The following PRKN variants were observed in gnomAD, a reference collection of about 807,000 sequenced individuals.
PRKN encodes the protein E3 ubiquitin-protein ligase parkin.
In PRKN, 56 loss-of-function variants were observed where a neutral mutation model predicts 59.5. That is an observed-to-expected ratio of 0.94 (90% CI 0.76 to 1.18). The LOEUF (loss-of-function observed/expected upper bound fraction) is 1.18. Ranked by LOEUF, PRKN falls within the 50% of genes most tolerant of loss-of-function variation. The probability of loss-of-function intolerance (pLI) is 0.00; values close to 1 mark genes in which losing one functional copy is unlikely to be tolerated. For missense variants in PRKN, 657 were observed against 596.4 expected (o/e 1.10, Z -1.06); for synonymous variants, 250 against 222.1 (o/e 1.13, Z -1.12).
intron 6 of PRKN, among the ~76,000 whole-genome samples, chr6:161,914,194 G>A (rs757544059): frequency 1.3e-5 from 2 of 152,088 alleles, no homozygotes; most frequent in African/African-American, 2.4e-5. Context: ...GCTATACAAC[G>A]TAACACTGTA....
intron 6 of PRKN, among the ~76,000 whole-genome samples, chr6:161,909,980 G>C (rs902187162): frequency 2.0e-5 from 3 of 152,150 alleles, no homozygotes; most frequent in Non-Finnish European, 2.9e-5. Flanking sequence ...TGATTCATGG[G>C]AGGAGATAAA....
intron 1 of PRKN, among the ~76,000 whole-genome samples, chr6:162,550,260 C>T (rs1779285429): frequency 6.6e-6 from 1 of 152,114 alleles, no homozygotes; most frequent in Admixed American, 6.6e-5. Context: ...GGTAGGATTT[C>T]CTAGAAGCAG....
intron 9 of PRKN, among the ~76,000 whole-genome samples, chr6:161,389,159 C>T (rs1489818314): frequency 6.6e-6 from 1 of 152,136 alleles, no homozygotes; most frequent in Non-Finnish European, 1.5e-5. Context: ...ACCATAATTC[C>T]TCCTTGCCTC....
chr6:162,320,711 C>T (rs574185087), intron 2 of PRKN, among the ~76,000 whole-genome samples: 2 of 151,652 alleles, frequency 1.3e-5, no homozygotes, highest in African/African-American at 4.8e-5. Flanking sequence ...TATGGTCTAG[C>T]CATTCCACTC....
chr6:162,449,876 A>G (rs1020928442), intron 1 of PRKN, among the ~76,000 whole-genome samples: 1 of 152,208 alleles, frequency 6.6e-6, no homozygotes. Flanking sequence ...AGTGAACAAA[A>G]AAAATGAAGA....
At chr6:162,454,647 G>C (rs1224477885) in intron 1 of PRKN, among the ~76,000 whole-genome samples, 2 of 152,200 alleles carry the variant, frequency 1.3e-5, no homozygotes, top group East Asian at 1.9e-4. Flanking sequence ...CGTGCCAATG[G>C]AAAGTTCTCC....
intron 9 of PRKN, among the ~76,000 whole-genome samples, chr6:161,421,302 T>C (rs1304801349): frequency 6.6e-6 from 1 of 152,146 alleles, no homozygotes; most frequent in Non-Finnish European, 1.5e-5. Context: ...TGACTTTGAA[T>C]GGCAAAAATC....
chr6:161,564,573 G>C (rs1198563891), intron 8 of PRKN, among the ~76,000 whole-genome samples: 8 of 152,124 alleles, frequency 5.3e-5, no homozygotes, highest in Admixed American at 4.6e-4. Context: ...AAATGTTTTT[G>C]TGTCTGCAAT....
intron 3 of PRKN, among the ~76,000 whole-genome samples, chr6:162,236,033 C>T (rs1778695773): frequency 7.2e-6 from 1 of 137,980 alleles, no homozygotes; most frequent in African/African-American, 2.8e-5. Flanking sequence ...AACTCCTCAC[C>T]CTTCAGTGTG....
intron 4 of PRKN, among the ~76,000 whole-genome samples, chr6:162,133,316 G>A (rs1350652814): frequency 6.6e-6 from 1 of 152,162 alleles, no homozygotes; most frequent in Non-Finnish European, 1.5e-5. Context: ...CGTCAGCAAC[G>A]CTGCTGATGG....
chr6:162,063,745 A>G (rs1778204681), intron 4 of PRKN, among the ~76,000 whole-genome samples: 1 of 152,136 alleles, frequency 6.6e-6, no homozygotes, highest in African/African-American at 2.4e-5. Context: ...GAGTCTCACC[A>G]TGTTGGCCAG....
Position 161,348,140 on chromosome 6 carries a change from A to G in PRKN, c.*1959T>C. 5.1e-6 allele frequency: 1 copy of G among 196,458 alleles called. No homozygotes were observed. The highest frequency in any genetic ancestry group is 1.1e-5 in the Non-Finnish European group (1 of 94,726). The allele number at this position is 196,458 out of a possible 1,614,324, so 12.2% of individuals were successfully genotyped here. On this transcript the variant is annotated 3_prime_UTR_variant, in exon 12 of 12. Transcript: ENST00000366898. The surrounding 1 kb of genome is among the most constrained non-coding windows in gnomAD (Gnocchi z 4.9). ...ACCATCAGGAAGAAAGCTATGGATG[A>G]TGGAAAACACTGTGTGCTCCACGTG... is the stretch of plus-strand genomic sequence containing the variant.
rs1160657662 is a variant in PRKN at position 161,461,068 on chromosome 6, T to C, written c.1084-74191A>G. 6.6e-6 allele frequency among the ~76,000 whole-genome samples: 1 copy of C among 152,152 alleles called. No homozygotes were observed. Among genetic ancestry groups the C allele is most frequent in the African/African-American group, 2.4e-5 (1 of 41,424 alleles). On this transcript the variant is annotated intron_variant, in intron 9 of 11. Coordinates refer to ENST00000366898, the MANE Select transcript of PRKN (RefSeq NM_004562.3). This position sits in a 1 kb window ranked among gnomAD's most constrained non-coding sequence, Gnocchi z 5.1. ...CACCATGCCCGGTCCAAGAGTCATC[T>C]TTATCATAAGTACTTACTGTCTATT...
At chr6:161,384,332 G>T (rs1050006598) in intron 10 of PRKN, among the ~76,000 whole-genome samples, 8 of 152,138 alleles carry the variant, frequency 5.3e-5, no homozygotes, top group Middle Eastern at 3.2e-3. Flanking sequence ...CTTGAGCTCA[G>T]GAGTTCAAGA....
chr6:161,977,530 TCTGTTTTTTTG>T (rs1321202602), intron 5 of PRKN, among the ~76,000 whole-genome samples: 11 of 124,272 alleles, frequency 8.9e-5, no homozygotes, highest in African/African-American at 3.3e-4. Flanking sequence ...TTCTCTACTT[TCTGTTTTTTTG>T]GTTTTTTTTT....
At chr6:161,433,156 G>T (rs1256075597) in intron 9 of PRKN, among the ~76,000 whole-genome samples, 3 of 152,186 alleles carry the variant, frequency 2.0e-5, no homozygotes, top group Non-Finnish European at 2.9e-5. Context: ...ACTGCTAAAA[G>T]ACTTCTTCCA....
intron 1 of PRKN, among the ~76,000 whole-genome samples, chr6:162,521,450 T>C (rs574790503): frequency 6.6e-5 from 10 of 152,164 alleles, no homozygotes; most frequent in African/African-American, 1.9e-4. Context: ...CATGGCTTAT[T>C]CAAACTACTG....
chr6:161,892,008 T>C (rs1406020976), intron 6 of PRKN, among the ~76,000 whole-genome samples: 1 of 152,226 alleles, frequency 6.6e-6, no homozygotes, highest in East Asian at 1.9e-4. Context: ...CTTTGCATCC[T>C]GATGGACTCT....
intron 1 of PRKN, among the ~76,000 whole-genome samples, chr6:162,665,561 A>G (rs1284611622): frequency 6.6e-6 from 1 of 152,142 alleles, no homozygotes; most frequent in African/African-American, 2.4e-5. Flanking sequence ...AAAATATTCT[A>G]CCCTCATGGA....
Sources: gnomAD v4.1 joint callset for allele counts (sites outside exome capture counted in the v4.1 genomes callset) on GRCh38, gnomAD v4.1.1 for gene constraint, Gnocchi (gnomAD v3.1) non-coding constraint, MANE v1.5 for transcripts, NCBI Gene and HGNC (gene_info 2026-07-23, HGNC 2026-07-21) for gene names.